DSTYK: variants seen among roughly 807,000 people sequenced by gnomAD.
DSTYK encodes dual serine/threonine and tyrosine protein kinase, also known as RIP-homologous kinase.
A neutral mutation model predicts 98.7 loss-of-function variants in DSTYK; 34 were observed. The ratio of observed to expected loss-of-function variants is 0.34; its 90% confidence interval spans 0.26 to 0.46. The LOEUF (loss-of-function observed/expected upper bound fraction) is 0.46, where lower values mean the gene tolerates loss of function less well. Ranked by LOEUF, DSTYK falls within the 20% of genes least tolerant of loss-of-function variation. The pLI is 1.00. For missense variants in DSTYK, 962 were observed against 1,181.7 expected, an observed-to-expected ratio of 0.81 and a Z score of 2.73; for synonymous variants, 462 against 457.3, an observed-to-expected ratio of 1.01 and a Z score of -0.13.
chr1:205,180,224 A>G (rs1053498600), intron 2 of DSTYK, among the ~76,000 whole-genome samples: 1 of 152,060 alleles, frequency 6.6e-6, no homozygotes, highest in Non-Finnish European at 1.5e-5. Context: ...TTCAAGCTCC[A>G]CCTGAATTAG....
At chr1:205,181,758 T>C (rs1658412754) in intron 2 of DSTYK, among the ~76,000 whole-genome samples, 1 of 148,436 alleles carries the variant, frequency 6.7e-6, no homozygotes, top group Non-Finnish European at 1.5e-5. Context: ...CAAGATGCAA[T>C]GCAGCCTCGA....
chr1:205,194,358 T>C (rs1021874613), intron 1 of DSTYK, among the ~76,000 whole-genome samples: 16 of 152,302 alleles, frequency 1.1e-4, no homozygotes, highest in African/African-American at 3.4e-4. Flanking sequence ...GTACAGTCTA[T>C]GTCCAAGGTA....
chr1:205,160,338 CTTTTT>C, intron 7 of DSTYK, 68 bp from the exon 8 acceptor site: 6 of 1,142,694 alleles, frequency 5.3e-6, no homozygotes, highest in Non-Finnish European at 6.1e-6. Flanking sequence ...CTGTAAGATT[CTTTTT>C]TTTTTTTTTT....
At chr1:205,165,229 AT>A (rs1272974030) in intron 3 of DSTYK, among the ~76,000 whole-genome samples, 1 of 151,892 alleles carries the variant, frequency 6.6e-6, no homozygotes, top group Non-Finnish European at 1.5e-5. Flanking sequence ...AGTACCTAGG[AT>A]TACAGGCACC....
intron 8 of DSTYK, 109 bp from the exon 9 acceptor site, chr1:205,159,788 G>C: frequency 7.1e-7 from 1 of 1,400,232 alleles, no homozygotes. Flanking sequence ...GACAGGTCCA[G>C]AGGTAATGGC....
In DSTYK at chr1:205,209,893, C is replaced by CTATTAT. The variant is rs372431377; in HGVS notation, c.265+1372_265+1377dup. 5.9e-3 allele frequency among the ~76,000 whole-genome samples: 890 copies of CTATTAT among 150,162 alleles called. 11 individuals are homozygous for CTATTAT. The highest frequency in any genetic ancestry group is 0.014 in the East Asian group (72 of 5,096). On this transcript the variant is annotated intron_variant, in intron 1 of 12. Transcript: ENST00000367162. ...CCTTCCCCAGTGTCTTTTATTATTACTATTATTATTATTATTATTATTATT... is the reference window on the plus strand; with the variant it reads ...CCTTCCCCAGTGTCTTTTATTATTACTATTATTATTATTATTATTATTATTATTATT...
intron 6 of DSTYK, 31 bp from the exon 7 acceptor site, chr1:205,161,418 C>T: frequency 6.2e-7 from 1 of 1,611,588 alleles, no homozygotes; most frequent in Non-Finnish European, 8.5e-7. Flanking sequence ...GTACATATGA[C>T]TTAAGTCCCT....
intron 1 of DSTYK, among the ~76,000 whole-genome samples, chr1:205,193,977 G>A (rs1658788908): frequency 6.6e-6 from 1 of 152,046 alleles, no homozygotes; most frequent in Admixed American, 6.6e-5. Flanking sequence ...TTCCAGAGAG[G>A]ACCTGCCACA....
chr1:205,190,405 A>G (rs1658673842), intron 1 of DSTYK, among the ~76,000 whole-genome samples: 1 of 152,064 alleles, frequency 6.6e-6, no homozygotes, highest in African/African-American at 2.4e-5. Context: ...TGGGCAGATC[A>G]CCTGAGGTCA....
At chr1:205,151,667 T>C (rs1657408571) in intron 10 of DSTYK, among the ~76,000 whole-genome samples, 1 of 151,244 alleles carries the variant, frequency 6.6e-6, no homozygotes, top group African/African-American at 2.4e-5. Context: ...GGTCTTTCTC[T>C]GTTGTCCAGG....
Position 205,163,959 on chromosome 1 carries a change from T to C in DSTYK, c.1325-4A>G, listed in dbSNP as rs1376818367. ...CCATTCTCAGGGACAATGACGTCTA[T>C]GGAGGCAGAGAAATAAGCTGAATAG... On this transcript the variant is annotated splice_region_variant and splice_polypyrimidine_tract_variant and intron_variant, in intron 3 of 12. Transcript: ENST00000367162. The C allele has an allele frequency of 1.2e-6, 2 of 1,613,046 alleles. No homozygotes were observed. Among genetic ancestry groups the C allele is most frequent in the Non-Finnish European group, 1.7e-6 (2 of 1,179,200 alleles).
chr1:205,165,980 C>T (rs1657876603), intron 3 of DSTYK, among the ~76,000 whole-genome samples: 1 of 151,834 alleles, frequency 6.6e-6, no homozygotes, highest in Non-Finnish European at 1.5e-5. Context: ...CTAGACCAGG[C>T]CTCTGCACTC....
In DSTYK at chr1:205,211,546, C is replaced by T. The variant is rs1425684665; in HGVS notation, c.-11G>A. On this transcript the variant is annotated 5_prime_UTR_variant, in exon 1 of 13. Transcript: ENST00000367162. Reference sequence around the variant, plus strand: ...CCCGTCGCCCTCCATCGCCTCTGCCCGCTCTGTCTTTGCGGCTCGGTCCCC... The same window carrying T: ...CCCGTCGCCCTCCATCGCCTCTGCCTGCTCTGTCTTTGCGGCTCGGTCCCC... The T allele has an allele frequency of 3.3e-6, 5 of 1,501,678 alleles. No homozygotes were observed. Among genetic ancestry groups the T allele is most frequent in the Admixed American group, 2.1e-5 (1 of 48,182 alleles). 93.0% of individuals were successfully genotyped at this position (1,501,678 alleles called of 1,614,324 possible).
intron 2 of DSTYK, among the ~76,000 whole-genome samples, chr1:205,177,255 C>T (rs181068703): frequency 3.3e-5 from 5 of 152,186 alleles, no homozygotes; most frequent in South Asian, 2.1e-4. Flanking sequence ...CAGTTATGTA[C>T]GCAGGCTAAA....
chr1:205,162,829 G>C (rs1416523226), intron 5 of DSTYK, 94 bp downstream of exon 5: 1 of 979,884 alleles, frequency 1.0e-6, no homozygotes, highest in Non-Finnish European at 1.6e-6. Context: ...TGCCTTAACA[G>C]AAGATCCTAG....
chr1:205,181,927 G>A (rs1014474504), intron 2 of DSTYK, among the ~76,000 whole-genome samples: 6 of 152,000 alleles, frequency 3.9e-5, no homozygotes, highest in African/African-American at 1.2e-4. Flanking sequence ...ATTGAGAGAT[G>A]CCAGTTTTCT....
chr1:205,160,786 T>C (rs1321266261), intron 7 of DSTYK, among the ~76,000 whole-genome samples: 1 of 143,438 alleles, frequency 7.0e-6, no homozygotes, highest in African/African-American at 2.5e-5. Context: ...TTGTTTTTTG[T>C]TGTTTTTTTT....
intron 3 of DSTYK, among the ~76,000 whole-genome samples, chr1:205,166,191 G>A (rs998998605): frequency 1.3e-5 from 2 of 152,138 alleles, no homozygotes; most frequent in African/African-American, 2.4e-5. Context: ...GACAAGTGCA[G>A]AAGAACATAT....
chr1:205,189,473 T>C (rs913000600), intron 1 of DSTYK, among the ~76,000 whole-genome samples: 8 of 152,318 alleles, frequency 5.3e-5, no homozygotes, highest in African/African-American at 1.9e-4. Context: ...ATAACTGAAA[T>C]TTTGGGTGGC....
Sources: allele counts gnomAD v4.1 joint callset (sites outside exome capture counted in the v4.1 genomes callset), GRCh38; gene constraint gnomAD v4.1.1; transcripts MANE v1.5; gene names NCBI Gene and HGNC (gene_info 2026-07-23, HGNC 2026-07-21).